DST: variants seen among roughly 807,000 people sequenced by gnomAD.
DST encodes dystonin.
In DST, 253 loss-of-function variants were observed where a neutral mutation model predicts 875.2. The ratio of observed to expected loss-of-function variants is 0.29; its 90% confidence interval spans 0.26 to 0.32. The LOEUF is 0.32. DST is among the 10% of genes least tolerant of loss of function. DST has a pLI of 1.00. For synonymous variants in DST, 3,124 were observed against 3,197.1 expected, an observed-to-expected ratio of 0.98 and a Z score of 0.77; for missense variants, 8,287 against 9,111.6, an observed-to-expected ratio of 0.91 and a Z score of 3.68.
Position 56,609,261 on chromosome 6 carries a change from A to T in DST, c.5367T>A (p.Ile1789=), listed in dbSNP as rs773289523. Residue 1789 remains isoleucine, a synonymous_variant, in exon 40 of 104, where the codon ATT becomes ATA. Coordinates refer to ENST00000680361, the MANE Select transcript of DST (RefSeq NM_001374736.1). ...GCAACCTAATTCCTGTGTCATAGTC[A>T]ATGAGGCCTCTTAAAACTGCTTGAA... ...SVFQAVLRGL[I]DYDTGIRLLE... The T allele has an allele frequency of 1.2e-6, 2 of 1,613,664 alleles. No homozygotes were observed. The highest frequency in any genetic ancestry group is 1.7e-6 in the Non-Finnish European group (2 of 1,179,694).
At chr6:56,637,142 T>C (rs1055165573) in intron 22 of DST, among the ~76,000 whole-genome samples, 2 of 152,000 alleles carry the variant, frequency 1.3e-5, no homozygotes, top group African/African-American at 4.8e-5. Context: ...GCAGTAAAAT[T>C]TTCCTCTTAT....
At chr6:56,689,294 T>C (rs1365119108) in intron 9 of DST, among the ~76,000 whole-genome samples, 4 of 152,166 alleles carry the variant, frequency 2.6e-5, no homozygotes, top group African/African-American at 9.6e-5. Context: ...TAAAGAAGAC[T>C]GCCTAAGTCA....
At position 56,608,585 on chromosome 6, in the gene DST, C is replaced by A. The variant is rs757854979; in HGVS notation, c.6043G>T (p.Val2015Leu). Residue 2015 changes from valine to leucine, a missense_variant, in exon 40 of 104, where the codon GTG becomes TTG. Transcript: ENST00000680361. ...MTVEEAVREG[V>L]IDRDTASSIL... ...CTGCTAGCAGTGTCCCTGTCAATCA[C>A]CCCTTCTCTGACAGCTTCTTCAACA... The A allele has an allele frequency of 6.2e-7, 1 of 1,613,438 alleles. No individual in the cohort carries two copies. The highest frequency in any genetic ancestry group is 8.5e-7 in the Non-Finnish European group (1 of 1,179,692).
Position 56,494,083 on chromosome 6 carries a change from G to A in DST, c.20321C>T (p.Thr6774Ile). ...GTTATTTATGTCTTGGTCAATATTT[G>A]TCTCTGCAGATTTTGGGCATCTTGC... ...MLARCPKSAETNIDQDINNLK... is the reference protein window; with the variant it reads ...MLARCPKSAEINIDQDINNLK... Residue 6774 changes from threonine (T) to isoleucine (I), a missense_variant, in exon 83 of 104, where the codon ACA becomes ATA. This residue lies in a region of DST where 1,292 missense variants were observed against 1,552.7 expected (regional missense o/e 0.83). Coordinates refer to ENST00000680361, the MANE Select transcript of DST (RefSeq NM_001374736.1). 6.2e-7 allele frequency: 1 copy of A among 1,610,092 alleles called. No individual in the cohort carries two copies. Among genetic ancestry groups the A allele is most frequent in the Non-Finnish European group, 8.5e-7 (1 of 1,177,664 alleles).
At chr6:56,720,032 C>A (rs184749258) in intron 5 of DST, among the ~76,000 whole-genome samples, 1 of 152,266 alleles carries the variant, frequency 6.6e-6, no homozygotes, top group African/African-American at 2.4e-5. Flanking sequence ...TGAGAGCAAC[C>A]GGTCTGACCA....
intron 22 of DST, 47 bp from the exon 23 acceptor site, chr6:56,636,699 G>A (rs746980916): frequency 2.1e-6 from 3 of 1,426,292 alleles, no homozygotes; most frequent in East Asian, 2.3e-5. Context: ...GAGAAATAAG[G>A]CACACATACC....
At chr6:56,647,568 A>T (rs1325904770) in intron 13 of DST, among the ~76,000 whole-genome samples, 1 of 152,238 alleles carries the variant, frequency 6.6e-6, no homozygotes, top group Non-Finnish European at 1.5e-5. Flanking sequence ...TTTGTCGGCA[A>T]TATTCGCATT....
At chr6:56,700,208 A>G (rs2152874928) in intron 8 of DST, among the ~76,000 whole-genome samples, 1 of 152,316 alleles carries the variant, frequency 6.6e-6, no homozygotes, top group East Asian at 1.9e-4. Flanking sequence ...GAGGTGAAAC[A>G]GTTTCATGCT....
rs556714969 is a variant in DST at position 56,660,762 on chromosome 6, C to CT, written c.1215-9519dup. Among the ~76,000 whole-genome samples the CT allele has an allele frequency of 5.9e-3, 841 of 143,756 alleles. 10 individuals carry two copies. The highest frequency in any genetic ancestry group is 0.02 in the African/African-American group (766 of 39,254). The allele number at this position is 143,756 out of a possible 152,430, so 94.3% of individuals were successfully genotyped here. ...AGGTGCCTGAGTTTTTTCAAACATT[C>CT]TTTTTTTTTTTTCTACAAAGTGACT... On this transcript the variant is annotated intron_variant, in intron 10 of 103. Coordinates refer to ENST00000680361, the MANE Select transcript of DST (RefSeq NM_001374736.1).
intron 4 of DST, among the ~76,000 whole-genome samples, chr6:56,759,152 T>C (rs186695054): frequency 1.1e-4 from 16 of 152,270 alleles, no homozygotes; most frequent in Non-Finnish European, 2.2e-4. Context: ...TGTACCCCAA[T>C]ATTTAAAAAT....
intron 4 of DST, among the ~76,000 whole-genome samples, chr6:56,778,498 A>G (rs1379548599): frequency 2.0e-5 from 3 of 150,992 alleles, no homozygotes; most frequent in Non-Finnish European, 4.4e-5. Flanking sequence ...TCATCATTTA[A>G]CATTAGGTAT....
rs1372317325 is a variant in DST, at chr6:56,470,233, G to A, written c.22371C>T (p.Asp7457=). 6.2e-7 allele frequency: 1 copy of A among 1,611,138 alleles called. No individual in the cohort carries two copies. The part of the protein sequence containing the change: ...LEMSAVADIF[D]RDGDGYIDYY... ...AGTCAATATATCCATCGCCATCTCT[G>A]TCAAAGATGTCTGCAACTGCGCTCA... is the stretch of plus-strand genomic sequence containing the variant. The change falls in exon 96 of 104, where the codon GAC becomes GAT. Residue 7457 remains aspartate, a synonymous_variant. Coordinates refer to ENST00000680361, the MANE Select transcript of DST (RefSeq NM_001374736.1).
intron 3 of DST, among the ~76,000 whole-genome samples, chr6:56,860,106 G>C (rs560926232): frequency 6.6e-6 from 1 of 152,312 alleles, no homozygotes; most frequent in African/African-American, 2.4e-5. Flanking sequence ...TTCAGATGTG[G>C]AATACTGGCC....
intron 4 of DST, among the ~76,000 whole-genome samples, chr6:56,800,621 C>G (rs1475263308): frequency 6.6e-6 from 1 of 151,998 alleles, no homozygotes; most frequent in Non-Finnish European, 1.5e-5. Context: ...AGAAACTCAA[C>G]AAGTTTCAAA....
chr6:56,693,467 T>C (rs2099245514), intron 9 of DST: 1 of 901,340 alleles, frequency 1.1e-6, no homozygotes, highest in Non-Finnish European at 1.3e-6. Context: ...TTAGCTTCAC[T>C]GTATGAGAAG....
chr6:56,786,652 C>CAA (rs2099706136), intron 4 of DST, among the ~76,000 whole-genome samples: 1 of 152,194 alleles, frequency 6.6e-6, no homozygotes, highest in South Asian at 2.1e-4. Flanking sequence ...CTTGCCTCAG[C>CAA]CTCCCAAGTA....
intron 49 of DST, among the ~76,000 whole-genome samples, chr6:56,587,309 C>T (rs1273325484): frequency 6.6e-6 from 1 of 152,080 alleles, no homozygotes; most frequent in African/African-American, 2.4e-5. Flanking sequence ...GAAAGGGTAT[C>T]AGCGATGGAA....
intron 4 of DST, among the ~76,000 whole-genome samples, chr6:56,747,595 C>G (rs541452769): frequency 3.2e-4 from 48 of 152,330 alleles, no homozygotes; most frequent in African/African-American, 6.5e-4. Flanking sequence ...ATCTGAGTCA[C>G]TGTTTAAGGA....
At chr6:56,871,679 G>T in intron 3 of DST, 5 of 706,054 alleles carry the variant, frequency 7.1e-6, no homozygotes, top group South Asian at 5.7e-5. Flanking sequence ...CAGAAGAGGG[G>T]GTTGCCTAGA....
Sources: gnomAD v4.1 joint callset for allele counts (sites outside exome capture counted in the v4.1 genomes callset) on GRCh38, gnomAD v4.1.1 for gene constraint, gnomAD v4.1.1 regional missense constraint, MANE v1.5 for transcripts, NCBI Gene and HGNC (gene_info 2026-07-23, HGNC 2026-07-21) for gene names.